CECR2: variants seen among roughly 807,000 people sequenced by gnomAD.
CECR2 encodes chromatin remodeling regulator CECR2.
Under a neutral mutation model 154.5 loss-of-function variants are expected in CECR2, and 30 were observed. The ratio of observed to expected loss-of-function variants is 0.19; its 90% CI spans 0.15 to 0.26. The LOEUF (loss-of-function observed/expected upper bound fraction) is 0.26. CECR2 is among the 10% of genes least tolerant of loss of function. The pLI is 1.00. For missense variants in CECR2, 1,743 were observed against 1,829.3 expected (o/e 0.95, Z 0.86); for synonymous variants, 725 against 683.7 (o/e 1.06, Z -0.94).
At chr22:17,431,077 C>T (rs2146635963) in intron 1 of CECR2, among the ~76,000 whole-genome samples, 1 of 152,164 alleles carries the variant, frequency 6.6e-6, no homozygotes, top group South Asian at 2.1e-4. Flanking sequence ...TGATCATAAC[C>T]CTGTTCATCC....
intron 4 of CECR2, 129 bp from the exon 5 acceptor site, chr22:17,500,502 G>C: frequency 4.6e-6 from 3 of 652,500 alleles, no homozygotes; most frequent in Non-Finnish European, 2.5e-6. Flanking sequence ...GGAAGTTGCT[G>C]TTCCCTTTTC....
intron 1 of CECR2, among the ~76,000 whole-genome samples, chr22:17,413,153 A>G (rs2054092104): frequency 6.6e-6 from 1 of 152,030 alleles, no homozygotes; most frequent in Admixed American, 6.6e-5. Flanking sequence ...GGGTTATCTG[A>G]TGGGGAATGG....
intron 8 of CECR2, among the ~76,000 whole-genome samples, chr22:17,514,977 C>G (rs764900147): frequency 6.7e-6 from 1 of 150,024 alleles, no homozygotes; most frequent in Non-Finnish European, 1.5e-5. Context: ...GAGCCAAGAT[C>G]GCACCACTGC....
chr22:17,421,268 G>A (rs1343521002), intron 1 of CECR2, among the ~76,000 whole-genome samples: 3 of 151,132 alleles, frequency 2.0e-5, no homozygotes, highest in East Asian at 1.9e-4. Context: ...ATCACAATTC[G>A]GACCAGCCTG....
chr22:17,380,470 C>T (rs1268191663), intron 1 of CECR2, among the ~76,000 whole-genome samples: 1 of 152,140 alleles, frequency 6.6e-6, no homozygotes, highest in East Asian at 1.9e-4. Context: ...CAGCTTTTAG[C>T]TTTGGTTCTA....
At chr22:17,468,522 A>AT (rs371447096) in intron 1 of CECR2, among the ~76,000 whole-genome samples, 10 of 151,658 alleles carry the variant, frequency 6.6e-5, no homozygotes, top group South Asian at 4.2e-4. Flanking sequence ...TCTACAAAAG[A>AT]TTTTTTTTTA....
intron 1 of CECR2, among the ~76,000 whole-genome samples, chr22:17,423,948 A>G (rs914018016): frequency 6.6e-6 from 1 of 152,208 alleles, no homozygotes; most frequent in South Asian, 2.1e-4. Flanking sequence ...TAAAGCCTCA[A>G]TATGCATAAA....
chr22:17,410,931 CAT>C (rs1156715635), intron 1 of CECR2, among the ~76,000 whole-genome samples: 16 of 152,132 alleles, frequency 1.1e-4, no homozygotes, highest in African/African-American at 3.9e-4. Flanking sequence ...AGGTTTAACT[CAT>C]AGTTTTACAG....
intron 6 of CECR2, among the ~76,000 whole-genome samples, chr22:17,503,460 T>G (rs1024069491): frequency 6.6e-6 from 1 of 152,216 alleles, no homozygotes; most frequent in African/African-American, 2.4e-5. Context: ...AATGGTTTCC[T>G]TATAGGTTTA....
At chr22:17,484,418 A>G (rs1010925755) in intron 2 of CECR2, among the ~76,000 whole-genome samples, 1 of 152,228 alleles carries the variant, frequency 6.6e-6, no homozygotes, top group Non-Finnish European at 1.5e-5. Context: ...TAGGCAATAC[A>G]GAAAAACCAA....
rs1402154546 is a variant in CECR2, at chr22:17,554,817, TGGGTCTGC to T, written c.*1978_*1985del. 2 of 152,262 alleles carry T rather than the reference TGGGTCTGC, an allele frequency of 1.3e-5. No homozygotes were observed. The highest frequency in any genetic ancestry group is 2.4e-5 in the African/African-American group (1 of 41,470). The allele number at this position is 152,262 out of a possible 1,614,324, so 9.4% of individuals were successfully genotyped here. ...GTGAAGAGGACAGAAGGATTGTGGATGGGTCTGCCCTTTAGCTAGTATCCGCTAACATG... is the reference window on the plus strand; with the variant it reads ...GTGAAGAGGACAGAAGGATTGTGGATCCTTTAGCTAGTATCCGCTAACATG... On this transcript the variant is annotated 3_prime_UTR_variant, in exon 19 of 19. Coordinates refer to ENST00000262608, the MANE Select transcript of CECR2 (RefSeq NM_001290047.2).
At position 17,549,023 on chromosome 22, in the gene CECR2, C is replaced by G; in HGVS notation, c.3736C>G (p.Leu1246Val). 2 of 1,614,020 alleles carry G rather than the reference C, an allele frequency of 1.2e-6. No individual in the cohort carries two copies. The highest frequency in any genetic ancestry group is 1.7e-6 in the Non-Finnish European group (2 of 1,179,896). The change falls in exon 17 of 19, where the codon CTG becomes GTG. Residue 1246 changes from leucine to valine, a missense_variant. Transcript: ENST00000262608. ...CTCAGATAAGAATGCCATGGCCAGT[C>G]TGCAAGGCTGTGAGACACTGAATGC... The part of the protein sequence containing the change: ...LFSDKNAMAS[L>V]QGCETLNAAL...
intron 1 of CECR2, among the ~76,000 whole-genome samples, chr22:17,383,160 G>A (rs2063219660): frequency 6.6e-6 from 1 of 152,142 alleles, no homozygotes; most frequent in Non-Finnish European, 1.5e-5. Context: ...GGGAGGCGGA[G>A]TTTGCAGTGA....
At chr22:17,506,603 C>CT (rs2055849851) in intron 7 of CECR2, among the ~76,000 whole-genome samples, 1 of 152,142 alleles carries the variant, frequency 6.6e-6, no homozygotes, top group Non-Finnish European at 1.5e-5. Flanking sequence ...CATGTCTTAT[C>CT]TTTTTAACAG....
At position 17,429,557 on chromosome 22, in the gene CECR2, CAAAGA is replaced by C. The variant is rs1038596599; in HGVS notation, c.127-48017_127-48013del. Among the ~76,000 whole-genome samples, 52 of 131,380 alleles carry C rather than the reference CAAAGA, an allele frequency of 4.0e-4. 2 individuals are homozygous for C. In the Middle Eastern group the frequency reaches 0.015, roughly 39 times the overall value. The allele number at this position is 131,380 out of a possible 152,430, so 86.2% of individuals were successfully genotyped here. ...TCTCTACCAAAAACAAAAACAAAAA[CAAAGA>C]AAAGAAAAGAAAAAAGAGATCTCAC... On this transcript the variant is annotated intron_variant, in intron 1 of 18. Coordinates refer to ENST00000262608, the MANE Select transcript of CECR2 (RefSeq NM_001290047.2).
intron 8 of CECR2, among the ~76,000 whole-genome samples, chr22:17,517,271 A>G (rs1393296794): frequency 6.6e-6 from 1 of 152,192 alleles, no homozygotes; most frequent in Non-Finnish European, 1.5e-5. Flanking sequence ...CTGTGCTAAG[A>G]CGTGCTTCCT....
At chr22:17,538,823 G>T (rs2056476900) in intron 12 of CECR2, 92 bp downstream of exon 12, 3 of 1,293,924 alleles carry the variant, frequency 2.3e-6, no homozygotes, top group Middle Eastern at 1.9e-4. Context: ...TATATATTTT[G>T]ATACGTTTTT....
intron 1 of CECR2, among the ~76,000 whole-genome samples, chr22:17,385,299 C>T (rs1432338911): frequency 2.0e-5 from 3 of 152,230 alleles, no homozygotes; most frequent in Non-Finnish European, 4.4e-5. Context: ...TGGCCTGTTT[C>T]AGCTTTCAGC....
rs1219369780 is a variant in CECR2, at chr22:17,497,468, A to G, written c.287A>G (p.Lys96Arg). ...INYRWELEEG[K>R]PNPLREASFQ... ...TACCGCTGGGAGCTCGAAGAAGGGAAGCCCAACCCTCTGAGGGAAGCCAGT... is the reference window on the plus strand; with the variant it reads ...TACCGCTGGGAGCTCGAAGAAGGGAGGCCCAACCCTCTGAGGGAAGCCAGT... The change falls in exon 3 of 19, where the codon AAG becomes AGG. Residue 96 changes from lysine to arginine, a missense_variant. Transcript: ENST00000262608. 6.2e-7 allele frequency: 1 copy of G among 1,614,004 alleles called. No homozygotes were observed. Among genetic ancestry groups the G allele is most frequent in the South Asian group, 1.1e-5 (1 of 91,082 alleles).
Sources: gnomAD v4.1 joint callset for allele counts (sites outside exome capture counted in the v4.1 genomes callset) on GRCh38, gnomAD v4.1.1 for gene constraint, MANE v1.5 for transcripts, NCBI Gene and HGNC (gene_info 2026-07-23, HGNC 2026-07-21) for gene names.